Variants in DLC1 observed in about 807,000 individuals in gnomAD.
DLC1 encodes the protein DLC1 Rho GTPase activating protein.
Under a neutral mutation model 140.3 loss-of-function variants are expected in DLC1, and 54 were observed. The ratio of observed to expected loss-of-function variants is 0.38; its 90% CI spans 0.31 to 0.48. The LOEUF is 0.48. Among genes scored for constraint, DLC1 ranks in the 20% least tolerant of loss-of-function variants. DLC1 has a pLI of 0.96. For missense variants in DLC1, 2,536 were observed against 1,907.0 expected (o/e 1.33, Z -6.14); for synonymous variants, 986 against 728.1 (o/e 1.35, Z -5.70).
chr8:13,478,057 T>C (rs1472707548), intron 2 of DLC1, among the ~76,000 whole-genome samples: 1 of 152,202 alleles, frequency 6.6e-6, no homozygotes, highest in Non-Finnish European at 1.5e-5. Context: ...TATTAGGTTG[T>C]TCTCGCATTG....
intron 2 of DLC1, among the ~76,000 whole-genome samples, chr8:13,481,714 C>G (rs1800746536): frequency 6.6e-6 from 1 of 152,126 alleles, no homozygotes. Flanking sequence ...TCTCCCAATT[C>G]TTATGTTGAA....
intron 4 of DLC1, among the ~76,000 whole-genome samples, chr8:13,336,766 T>C (rs879334011): frequency 6.6e-6 from 1 of 152,196 alleles, no homozygotes; most frequent in Non-Finnish European, 1.5e-5. Context: ...AATTAATCAA[T>C]TAATAATGTA....
intron 4 of DLC1, among the ~76,000 whole-genome samples, chr8:13,315,616 T>G (rs1356561191): frequency 6.6e-6 from 1 of 152,218 alleles, no homozygotes; most frequent in Non-Finnish European, 1.5e-5. Context: ...TCTCCTTAAA[T>G]CACAGGAGCC....
At chr8:13,153,781 A>T (rs919689821) in intron 5 of DLC1, among the ~76,000 whole-genome samples, 1 of 151,646 alleles carries the variant, frequency 6.6e-6, no homozygotes, top group Non-Finnish European at 1.5e-5. Context: ...CAGAATGCCG[A>T]TCGGTGCGTT....
In DLC1 at chr8:13,321,559, AAAAAAAAG is replaced by A. The variant is rs1235936730; in HGVS notation, c.1315-16265_1315-16258del. On this transcript the variant is annotated intron_variant, in intron 4 of 17. Transcript: ENST00000276297. ...CTCAAAAAAGAAAAAAAAAAAAAAA[AAAAAAAAG>A]AAACCTAAACAGTTTAGAGCATTTT... is the stretch of plus-strand genomic sequence containing the variant. 4.0e-3 allele frequency among the ~76,000 whole-genome samples: 601 copies of A among 149,436 alleles called. 108 individuals carry two copies. The highest frequency in any genetic ancestry group is 0.013 in the East Asian group (64 of 4,984).
intron 5 of DLC1, among the ~76,000 whole-genome samples, chr8:13,265,526 G>A (rs1227645987): frequency 6.6e-6 from 1 of 152,168 alleles, no homozygotes; most frequent in East Asian, 1.9e-4. Flanking sequence ...TCACAAGAAT[G>A]AGAGCTCGGA....
chr8:13,219,168 CTATATAATTATATGAATATAACTATA>C (rs1828405677), intron 5 of DLC1, among the ~76,000 whole-genome samples: 1 of 46,162 alleles, frequency 2.2e-5, no homozygotes, highest in South Asian at 7.3e-4. Flanking sequence ...ATGAATATAA[CTATATAATTATATGAATATAACTATA>C]TAAGAATATA....
intron 5 of DLC1, among the ~76,000 whole-genome samples, chr8:13,120,364 T>TATATATATATATATATAG (rs1820955304): frequency 1.2e-5 from 1 of 84,824 alleles, no homozygotes; most frequent in Non-Finnish European, 2.8e-5. Context: ...AAAATATATA[T>TATATATATATATATATAG]ATATATAAAA....
At chr8:13,404,197 A>G (rs768244586) in intron 2 of DLC1, among the ~76,000 whole-genome samples, 1 of 152,198 alleles carries the variant, frequency 6.6e-6, no homozygotes, top group Non-Finnish European at 1.5e-5. Context: ...TCTTAGGAGC[A>G]GGAAATGGGT....
chr8:13,489,405 CACACCAT>C (rs1415615716), intron 2 of DLC1, among the ~76,000 whole-genome samples: 1 of 29,046 alleles, frequency 3.4e-5, no homozygotes, highest in Non-Finnish European at 7.1e-5. Flanking sequence ...GTAAAACACA[CACACCAT>C]ACACACACAC....
At chr8:13,331,425 A>C (rs1163864142) in intron 4 of DLC1, among the ~76,000 whole-genome samples, 1 of 152,170 alleles carries the variant, frequency 6.6e-6, no homozygotes. Flanking sequence ...TAAAGGCAAC[A>C]CTCCAAAGAA....
intron 5 of DLC1, among the ~76,000 whole-genome samples, chr8:13,157,236 A>G (rs114797198): frequency 0.017 from 2,580 of 152,294 alleles, 73 homozygotes; most frequent in African/African-American, 0.056. Context: ...GAAATACTCT[A>G]TGACATTAAG....
intron 4 of DLC1, among the ~76,000 whole-genome samples, chr8:13,312,892 A>G (rs1213765578): frequency 6.6e-6 from 1 of 152,136 alleles, no homozygotes; most frequent in Non-Finnish European, 1.5e-5. Context: ...TCCAGTGAGG[A>G]TGATACTCAA....
chr8:13,418,728 T>C (rs1421601417), intron 2 of DLC1, among the ~76,000 whole-genome samples: 4 of 152,196 alleles, frequency 2.6e-5, no homozygotes, highest in Admixed American at 6.5e-5. Flanking sequence ...AACTTTAATG[T>C]AGTTTTTTCC....
chr8:13,476,628 C>T (rs1240852936), intron 2 of DLC1, among the ~76,000 whole-genome samples: 1 of 152,088 alleles, frequency 6.6e-6, no homozygotes, highest in Non-Finnish European at 1.5e-5. Context: ...TAGAAAGGAA[C>T]ATGTGCCATA....
chr8:13,143,850 G>GAGAGAGAGAGAGAGACAT (rs1395072506), intron 5 of DLC1, among the ~76,000 whole-genome samples: 3 of 147,754 alleles, frequency 2.0e-5, no homozygotes, highest in Non-Finnish European at 3.0e-5. Flanking sequence ...GAGAGAGAGA[G>GAGAGAGAGAGAGAGACAT]AGACATAGAC....
chr8:13,092,960 G>C, intron 12 of DLC1, 135 bp from the exon 13 acceptor site: 1 of 930,760 alleles, frequency 1.1e-6, no homozygotes, highest in Non-Finnish European at 1.6e-6. Flanking sequence ...GTGCACTAGA[G>C]GTTAATACGG....
At chr8:13,469,324 GT>G (rs1340900676) in intron 2 of DLC1, among the ~76,000 whole-genome samples, 10 of 152,126 alleles carry the variant, frequency 6.6e-5, no homozygotes, top group Non-Finnish European at 1.5e-4. Flanking sequence ...TTAAGATTGG[GT>G]TTTCACATTA....
chr8:13,580,332 A>G (rs373567710), intron 1 of DLC1, among the ~76,000 whole-genome samples: 1 of 152,094 alleles, frequency 6.6e-6, no homozygotes, highest in African/African-American at 2.4e-5. Context: ...CGTGTTAGCC[A>G]GGATGGCCTC....
Sources: allele counts gnomAD v4.1 joint callset (sites outside exome capture counted in the v4.1 genomes callset), GRCh38; gene constraint gnomAD v4.1.1; transcripts MANE v1.5; gene names NCBI Gene and HGNC (gene_info 2026-07-23, HGNC 2026-07-21).